GRM5: variants seen among roughly 807,000 people sequenced by gnomAD.
GRM5 encodes glutamate metabotropic receptor 5.
A neutral mutation model predicts 83.1 loss-of-function variants in GRM5; 19 were observed. The ratio of observed to expected loss-of-function variants is 0.23; its 90% confidence interval spans 0.16 to 0.34. The LOEUF (loss-of-function observed/expected upper bound fraction) is 0.34. Ranked by LOEUF, GRM5 falls within the 10% of genes least tolerant of loss-of-function variation. The pLI is 1.00. For synonymous variants in GRM5, 675 were observed against 633.6 expected (o/e 1.07, Z -0.98); for missense variants, 1,160 against 1,588.3 (o/e 0.73, Z 4.58).
intron 2 of GRM5, among the ~76,000 whole-genome samples, chr11:88,978,474 TAAA>T (rs200343438): frequency 8.2e-5 from 8 of 97,966 alleles, no homozygotes; most frequent in African/African-American, 2.6e-4. Flanking sequence ...CAGATGAGCT[TAAA>T]AAAAAAAAAA....
intron 8 of GRM5, among the ~76,000 whole-genome samples, chr11:88,546,638 A>G (rs1331523917): frequency 2.0e-5 from 3 of 152,186 alleles, no homozygotes; most frequent in East Asian, 3.9e-4. Context: ...TATGGGCCCT[A>G]TGTGTTCAAA....
At chr11:89,046,082 C>A (rs1941636135) in intron 2 of GRM5, among the ~76,000 whole-genome samples, 2 of 152,052 alleles carry the variant, frequency 1.3e-5, no homozygotes, top group Admixed American at 6.6e-5. Flanking sequence ...ATCTCCTTTG[C>A]CAGATTGCAA....
intron 2 of GRM5, among the ~76,000 whole-genome samples, chr11:88,902,577 A>G (rs1427095689): frequency 6.6e-6 from 1 of 152,190 alleles, no homozygotes; most frequent in Non-Finnish European, 1.5e-5. Flanking sequence ...CAGAGAGCAC[A>G]TCCAAGTTGC....
At chr11:88,842,308 A>G (rs1370919316) in intron 3 of GRM5, among the ~76,000 whole-genome samples, 1 of 152,200 alleles carries the variant, frequency 6.6e-6, no homozygotes. Flanking sequence ...AAATATGTAA[A>G]TGGAGACCTG....
intron 4 of GRM5, among the ~76,000 whole-genome samples, chr11:88,652,950 G>T (rs1307608794): frequency 6.6e-6 from 1 of 152,010 alleles, no homozygotes; most frequent in African/African-American, 2.4e-5. Flanking sequence ...GATACAAATA[G>T]AAATGATCTA....
intron 2 of GRM5, among the ~76,000 whole-genome samples, chr11:88,995,073 T>G (rs1411592221): frequency 6.6e-6 from 1 of 152,176 alleles, no homozygotes; most frequent in Non-Finnish European, 1.5e-5. Context: ...ATTGTGAGCA[T>G]GAGCCTGGTT....
intron 3 of GRM5, among the ~76,000 whole-genome samples, chr11:88,678,592 C>T (rs186238305): frequency 2.0e-5 from 3 of 152,120 alleles, no homozygotes; most frequent in Admixed American, 6.6e-5. Flanking sequence ...AGTCATTGAA[C>T]TCAGGTACAA....
chr11:88,565,121 A>AT (rs1209768548), intron 8 of GRM5, among the ~76,000 whole-genome samples: 3 of 150,942 alleles, frequency 2.0e-5, no homozygotes, highest in African/African-American at 4.8e-5. Context: ...CTTTATCTCC[A>AT]TTTTTTCGGA....
At chr11:88,597,129 A>G in intron 6 of GRM5, 55 bp downstream of exon 6, 1 of 1,148,956 alleles carries the variant, frequency 8.7e-7, no homozygotes, top group Non-Finnish European at 1.2e-6. Flanking sequence ...AGCCAATGAT[A>G]GTTAACACTG....
chr11:88,955,403 C>A (rs1056512503), intron 2 of GRM5, among the ~76,000 whole-genome samples: 1 of 152,128 alleles, frequency 6.6e-6, no homozygotes, highest in African/African-American at 2.4e-5. Context: ...CTTACTATAA[C>A]CTCTTGAAAA....
At chr11:88,893,820 A>T (rs1382441304) in intron 2 of GRM5, among the ~76,000 whole-genome samples, 1 of 152,008 alleles carries the variant, frequency 6.6e-6, no homozygotes, top group Non-Finnish European at 1.5e-5. Flanking sequence ...AGAAAGAGTC[A>T]TCATCCAACA....
intron 5 of GRM5, 108 bp downstream of exon 5, chr11:88,604,610 T>C: frequency 1.1e-6 from 1 of 914,848 alleles, no homozygotes; most frequent in Non-Finnish European, 1.7e-6. Context: ...AGGGGAAACA[T>C]TACCAGGAAA....
chr11:88,886,395 C>T lies in GRM5; in HGVS notation c.662-36240G>A, dbSNP rs528079283. 1.2e-3 allele frequency among the ~76,000 whole-genome samples: 179 copies of T among 152,258 alleles called. 1 individual carries two copies. The highest frequency in any genetic ancestry group is 4.1e-3 in the African/African-American group (169 of 41,552). ...AACTCTGTCCTTTTATTCTGAGGCC[C>T]TTGGCTTCCATTTTAGAACCAGATC... On this transcript the variant is annotated intron_variant, in intron 2 of 9. Coordinates refer to ENST00000305447, the MANE Select transcript of GRM5 (RefSeq NM_001143831.3).
chr11:88,532,513 T>C (rs1371648748), intron 8 of GRM5, among the ~76,000 whole-genome samples: 1 of 152,126 alleles, frequency 6.6e-6, no homozygotes, highest in Non-Finnish European at 1.5e-5. Flanking sequence ...GGACTAAGCT[T>C]GAGCATAAAC....
At chr11:88,681,130 T>G (rs1334640005) in intron 3 of GRM5, among the ~76,000 whole-genome samples, 2 of 152,158 alleles carry the variant, frequency 1.3e-5, no homozygotes, top group Non-Finnish European at 2.9e-5. Context: ...TTTTTCTCAT[T>G]GAATTTCACC....
intron 2 of GRM5, among the ~76,000 whole-genome samples, chr11:88,897,807 A>T (rs973041185): frequency 5.3e-5 from 8 of 151,948 alleles, no homozygotes; most frequent in Admixed American, 4.6e-4. Flanking sequence ...TTTCCCTTCC[A>T]CCTTATAAGC....
chr11:88,788,363 G>T (rs1259821685), intron 3 of GRM5, among the ~76,000 whole-genome samples: 6 of 152,164 alleles, frequency 3.9e-5, no homozygotes, highest in Admixed American at 2.0e-4. Context: ...GATCCTGAGA[G>T]GGATTGGAAA....
chr11:88,990,927 G>T (rs1435748660), intron 2 of GRM5, among the ~76,000 whole-genome samples: 1 of 152,120 alleles, frequency 6.6e-6, no homozygotes, highest in Non-Finnish European at 1.5e-5. Flanking sequence ...GCAAAAACTG[G>T]AAGCATTCCC....
At chr11:88,738,002 A>G (rs1941955063) in intron 3 of GRM5, among the ~76,000 whole-genome samples, 1 of 152,178 alleles carries the variant, frequency 6.6e-6, no homozygotes, top group African/African-American at 2.4e-5. Flanking sequence ...ACTAGAATAA[A>G]GACAGTTGTG....
Sources: allele counts gnomAD v4.1 joint callset (sites outside exome capture counted in the v4.1 genomes callset), GRCh38; gene constraint gnomAD v4.1.1; transcripts MANE v1.5; gene names NCBI Gene and HGNC (gene_info 2026-07-23, HGNC 2026-07-21).